The following CCSER1 variants were observed in gnomAD, a reference collection of about 807,000 sequenced individuals.
CCSER1 encodes the protein coiled-coil serine rich protein 1.
A neutral mutation model predicts 82.0 loss-of-function variants in CCSER1; 41 were observed. The observed-to-expected ratio is 0.50, with a 90% CI of 0.39 to 0.65. CCSER1 has a LOEUF of 0.65. CCSER1 is among the 30% of genes least tolerant of loss of function. The pLI, the probability that CCSER1 is intolerant of heterozygous loss-of-function variation, is 0.00. For synonymous variants in CCSER1, 414 were observed against 383.9 expected, an observed-to-expected ratio of 1.08 and a Z score of -0.92; for missense variants, 1,119 against 1,064.2, an observed-to-expected ratio of 1.05 and a Z score of -0.72.
chr4:90,544,398 A>G lies in CCSER1; in HGVS notation c.1724+76044A>G, dbSNP rs571770404. 3.3e-5 allele frequency among the ~76,000 whole-genome samples: 5 copies of G among 152,170 alleles called. No homozygotes were observed. The South Asian group carries it at 1.0e-3, about 31-fold the overall frequency. On this transcript the variant is annotated intron_variant, in intron 5 of 10. Transcript: ENST00000509176. ...AAGAATACAGATTAAAATCAGCCAA[A>G]GGAAGAGATGCATGTGGCAGAGTCT...
At chr4:90,990,241 G>A (rs751346566) in intron 9 of CCSER1, among the ~76,000 whole-genome samples, 3 of 151,802 alleles carry the variant, frequency 2.0e-5, no homozygotes, top group Admixed American at 2.0e-4. Context: ...CAAGATATAC[G>A]AATGTCACCC....
chr4:90,687,105 A>G (rs1191473432), intron 6 of CCSER1, among the ~76,000 whole-genome samples: 1 of 152,214 alleles, frequency 6.6e-6, no homozygotes, highest in East Asian at 1.9e-4. Context: ...TGACTAGAAG[A>G]AAAAGAGAAA....
chr4:91,439,028 G>A (rs146451209), intron 10 of CCSER1, among the ~76,000 whole-genome samples: 23 of 152,200 alleles, frequency 1.5e-4, no homozygotes, highest in Non-Finnish European at 3.1e-4. Context: ...AAGTGACGGG[G>A]AGAATGGAAC....
chr4:90,221,325 A>G (rs753552181), intron 1 of CCSER1, among the ~76,000 whole-genome samples: 1 of 152,164 alleles, frequency 6.6e-6, no homozygotes, highest in Non-Finnish European at 1.5e-5. Context: ...TATATTTTTG[A>G]AAATCATTCA....
chr4:90,337,083 C>G (rs1320618151), intron 3 of CCSER1, among the ~76,000 whole-genome samples: 1 of 152,162 alleles, frequency 6.6e-6, no homozygotes, highest in African/African-American at 2.4e-5. Context: ...TGTTCTCTGG[C>G]TCTTCCCATG....
At chr4:91,353,416 C>G (rs779322305) in intron 10 of CCSER1, among the ~76,000 whole-genome samples, 2 of 152,164 alleles carry the variant, frequency 1.3e-5, no homozygotes, top group Non-Finnish European at 2.9e-5. Context: ...TGAATAACGT[C>G]GGTTTCTAAG....
At chr4:90,815,044 G>T (rs1246575813) in intron 7 of CCSER1, among the ~76,000 whole-genome samples, 1 of 152,108 alleles carries the variant, frequency 6.6e-6, no homozygotes, top group Non-Finnish European at 1.5e-5. Flanking sequence ...CTAAGACTGG[G>T]TATTTATACA....
chr4:91,150,887 G>A (rs1730111269), intron 10 of CCSER1, among the ~76,000 whole-genome samples: 1 of 152,146 alleles, frequency 6.6e-6, no homozygotes, highest in African/African-American at 2.4e-5. Context: ...TTTTATTGAG[G>A]AATTTTGCAT....
intron 7 of CCSER1, among the ~76,000 whole-genome samples, chr4:90,769,105 A>AC (rs1008653327): frequency 1.3e-4 from 20 of 152,302 alleles, no homozygotes; most frequent in African/African-American, 4.3e-4. Flanking sequence ...TTAAGAGCAT[A>AC]CCCTCTGTGT....
chr4:90,892,211 G>GA, intron 8 of CCSER1, among the ~76,000 whole-genome samples: 1 of 152,054 alleles, frequency 6.6e-6, no homozygotes, highest in Non-Finnish European at 1.5e-5. Context: ...TGATAATTAA[G>GA]AAAGGCTTAT....
chr4:90,567,684 C>T (rs1779575442), intron 5 of CCSER1, among the ~76,000 whole-genome samples: 1 of 150,406 alleles, frequency 6.6e-6, no homozygotes, highest in Non-Finnish European at 1.5e-5. Context: ...CAGCTCACTG[C>T]AGCCTCAGCC....
chr4:90,661,548 A>G (rs1234449581), intron 6 of CCSER1, among the ~76,000 whole-genome samples: 1 of 152,214 alleles, frequency 6.6e-6, no homozygotes, highest in Non-Finnish European at 1.5e-5. Flanking sequence ...CTGAAGCGCA[A>G]TATGCAGCGA....
intron 10 of CCSER1, among the ~76,000 whole-genome samples, chr4:91,421,656 T>C (rs1253671854): frequency 6.6e-6 from 1 of 152,050 alleles, no homozygotes; most frequent in East Asian, 1.9e-4. Context: ...ACGCATAAAA[T>C]AAACGATGAC....
rs547764277 is a variant in CCSER1 at position 91,594,344 on chromosome 4, TAC to T, written c.2218-4226_2218-4225del. Among the ~76,000 whole-genome samples, 474 of 146,892 alleles carry T rather than the reference TAC, an allele frequency of 3.2e-3. 1 individual carries two copies. Among genetic ancestry groups the T allele is most frequent in the Non-Finnish European group, 5.1e-3 (342 of 67,056 alleles). ...ATACATATATGTACACACATATATA[TAC>T]ATATATATACACATATATATACACA... On this transcript the variant is annotated intron_variant, in intron 10 of 10. Coordinates refer to ENST00000509176, the MANE Select transcript of CCSER1 (RefSeq NM_001145065.2).
chr4:90,710,706 A>G (rs1740430508), intron 6 of CCSER1, among the ~76,000 whole-genome samples: 1 of 152,134 alleles, frequency 6.6e-6, no homozygotes, highest in Admixed American at 6.6e-5. Flanking sequence ...TTCTTGTATC[A>G]GTACCATGCT....
At chr4:91,591,034 C>T (rs749027148) in intron 10 of CCSER1, among the ~76,000 whole-genome samples, 1 of 152,030 alleles carries the variant, frequency 6.6e-6, no homozygotes, top group Admixed American at 6.6e-5. Flanking sequence ...GCTGCCATCC[C>T]CCACCCCTTG....
At chr4:90,825,791 G>A (rs925317321) in intron 8 of CCSER1, among the ~76,000 whole-genome samples, 4 of 147,638 alleles carry the variant, frequency 2.7e-5, no homozygotes, top group Non-Finnish European at 4.5e-5. Flanking sequence ...GTGTAGGGGT[G>A]CAATCTCGGA....
chr4:91,573,935 T>G (rs2110292515), intron 10 of CCSER1, among the ~76,000 whole-genome samples: 1 of 152,178 alleles, frequency 6.6e-6, no homozygotes, highest in South Asian at 2.1e-4. Context: ...AATAAAATAC[T>G]TTAGCATAAA....
chr4:91,263,464 T>G (rs1741345646), intron 10 of CCSER1, among the ~76,000 whole-genome samples: 1 of 152,016 alleles, frequency 6.6e-6, no homozygotes, highest in African/African-American at 2.4e-5. Context: ...ACTTGAAAGT[T>G]ACATTACAAA....
Sources: allele counts gnomAD v4.1 joint callset (sites outside exome capture counted in the v4.1 genomes callset), GRCh38; gene constraint gnomAD v4.1.1; transcripts MANE v1.5; gene names NCBI Gene and HGNC (gene_info 2026-07-23, HGNC 2026-07-21).